GHR: variants seen among roughly 807,000 people sequenced by gnomAD.
GHR encodes GH receptor.
In GHR, 35 loss-of-function variants were observed where a neutral mutation model predicts 67.1. The observed-to-expected ratio is 0.52, with a 90% CI of 0.40 to 0.69. The LOEUF (loss-of-function observed/expected upper bound fraction) is 0.69, where lower values mean the gene tolerates loss of function less well. GHR is among the 30% of genes least tolerant of loss of function. GHR has a pLI of 0.00. For synonymous variants in GHR, 272 were observed against 269.1 expected (o/e 1.01, Z -0.10); for missense variants, 792 against 764.6 (o/e 1.04, Z -0.42).
chr5:42,719,004 G>A lies in GHR; in HGVS notation c.1497G>A (p.Val499=), dbSNP rs1294344976. 6.2e-7 allele frequency: 1 copy of A among 1,607,814 alleles called. No homozygotes were observed. Among genetic ancestry groups the A allele is most frequent in the East Asian group, 2.2e-5 (1 of 44,758 alleles). ...GCGACATTACACCAGCAGGTAGTGT[G>A]GTCCTTTCCCCGGGCCAAAAGAATA... ...QVSDITPAGS[V]VLSPGQKNKA... The change falls in exon 10 of 10, where the codon GTG becomes GTA. Residue 499 remains valine, a synonymous_variant. Coordinates refer to ENST00000230882, the MANE Select transcript of GHR (RefSeq NM_000163.5).
chr5:42,618,103 C>A (rs1003965167), intron 2 of GHR, among the ~76,000 whole-genome samples: 1 of 152,050 alleles, frequency 6.6e-6, no homozygotes, highest in Admixed American at 6.6e-5. Flanking sequence ...GGGCAAAGTT[C>A]AAAAAACTAA....
At chr5:42,598,840 C>T (rs73751220) in intron 2 of GHR, among the ~76,000 whole-genome samples, 3,900 of 152,288 alleles carry the variant, frequency 0.026, 66 homozygotes, top group African/African-American at 0.044. Flanking sequence ...GGAATACACA[C>T]AGTCAAAGCC....
chr5:42,522,287 A>G (rs1393377383), intron 1 of GHR, among the ~76,000 whole-genome samples: 1 of 152,204 alleles, frequency 6.6e-6, no homozygotes, highest in East Asian at 1.9e-4. Context: ...CTCATTCATC[A>G]TATAAGAAAT....
chr5:42,550,993 A>G (rs1686237235), intron 1 of GHR, among the ~76,000 whole-genome samples: 1 of 152,214 alleles, frequency 6.6e-6, no homozygotes, highest in African/African-American at 2.4e-5. Flanking sequence ...AATGACAAGT[A>G]GATGGTGGTC....
At chr5:42,635,720 C>T (rs898769682) in intron 3 of GHR, among the ~76,000 whole-genome samples, 2 of 152,178 alleles carry the variant, frequency 1.3e-5, no homozygotes, top group Non-Finnish European at 2.9e-5. Flanking sequence ...ATATTTACCA[C>T]TTAGTTTACA....
intron 1 of GHR, among the ~76,000 whole-genome samples, chr5:42,429,984 C>T (rs1743021039): frequency 6.6e-6 from 1 of 152,154 alleles, no homozygotes; most frequent in African/African-American, 2.4e-5. Context: ...CCTTGGGCAA[C>T]TGGGATTTAA....
At chr5:42,559,232 T>C (rs1237428175) in intron 1 of GHR, among the ~76,000 whole-genome samples, 2 of 152,282 alleles carry the variant, frequency 1.3e-5, no homozygotes, top group African/African-American at 4.8e-5. Context: ...ATACCATATA[T>C]CCTTATTTTA....
chr5:42,529,340 C>CA (rs1276891622), intron 1 of GHR, among the ~76,000 whole-genome samples: 7 of 151,974 alleles, frequency 4.6e-5, no homozygotes, highest in Non-Finnish European at 7.4e-5. Flanking sequence ...AGTAGGAAAC[C>CA]AAAAAATTGT....
chr5:42,522,572 C>G (rs1212108942), intron 1 of GHR, among the ~76,000 whole-genome samples: 3 of 152,092 alleles, frequency 2.0e-5, no homozygotes, highest in Non-Finnish European at 4.4e-5. Flanking sequence ...AAAGGAAAAT[C>G]TTATACCTCT....
chr5:42,537,471 G>A lies in GHR; in HGVS notation c.-11-28393G>A, dbSNP rs371033758. ...TTCTATGTATTTGCATGGTTTTGAC[G>A]GTTCCTTCTGGAGTTGATTTCCAGG... is the stretch of plus-strand genomic sequence containing the variant. On this transcript the variant is annotated intron_variant, in intron 1 of 9. Transcript: ENST00000230882. 3.7e-4 allele frequency among the ~76,000 whole-genome samples: 56 copies of A among 152,158 alleles called. No homozygotes were observed. The South Asian group carries it at 4.4e-3, about 12-fold the overall frequency.
At chr5:42,557,102 T>A (rs1247968365) in intron 1 of GHR, among the ~76,000 whole-genome samples, 1 of 152,168 alleles carries the variant, frequency 6.6e-6, no homozygotes, top group African/African-American at 2.4e-5. Flanking sequence ...CATAGAACTT[T>A]CTTAAAGTAG....
chr5:42,647,582 A>C lies in GHR; in HGVS notation c.136+18479A>C, dbSNP rs1043977791. 953 of 414,446 alleles carry C rather than the reference A, an allele frequency of 2.3e-3. 6 individuals carry two copies. Among genetic ancestry groups the C allele is most frequent in the African/African-American group, 0.019 (884 of 47,072 alleles). The allele number at this position is 414,446 out of a possible 1,614,324, so 25.7% of individuals were successfully genotyped here. On this transcript the variant is annotated intron_variant, in intron 3 of 9. Transcript: ENST00000230882. ...GAGCAAGACTGCGTCTCCAAAAAAA[A>C]AAAAAAAAGTCAAGGGCCAAAGTAA...
At chr5:42,693,685 C>T (rs976697417) in intron 4 of GHR, among the ~76,000 whole-genome samples, 2 of 152,168 alleles carry the variant, frequency 1.3e-5, no homozygotes, top group Non-Finnish European at 2.9e-5. Flanking sequence ...TTCCCTACAA[C>T]CTGCATTGTC....
chr5:42,588,092 T>C (rs1167819802), intron 2 of GHR, among the ~76,000 whole-genome samples: 1 of 152,238 alleles, frequency 6.6e-6, no homozygotes, highest in Non-Finnish European at 1.5e-5. Flanking sequence ...GCTTTGTGCA[T>C]TGAATCTCAT....
At chr5:42,643,714 T>C (rs954266688) in intron 3 of GHR, among the ~76,000 whole-genome samples, 1 of 145,204 alleles carries the variant, frequency 6.9e-6, no homozygotes, top group Non-Finnish European at 1.5e-5. Context: ...AGATAATACA[T>C]TATGCCTTTT....
At chr5:42,535,190 A>G (rs561866120) in intron 1 of GHR, among the ~76,000 whole-genome samples, 2 of 151,874 alleles carry the variant, frequency 1.3e-5, no homozygotes, top group Non-Finnish European at 2.9e-5. Flanking sequence ...TTTTGTTTTT[A>G]TTTCATTTGC....
intron 2 of GHR, among the ~76,000 whole-genome samples, chr5:42,604,216 A>G (rs1752512682): frequency 6.6e-6 from 1 of 152,190 alleles, no homozygotes; most frequent in South Asian, 2.1e-4. Context: ...ATAGCTGTCT[A>G]GAAGCTCTCT....
chr5:42,701,294 G>A (rs1382385713), intron 6 of GHR, among the ~76,000 whole-genome samples: 1 of 152,142 alleles, frequency 6.6e-6, no homozygotes, highest in Non-Finnish European at 1.5e-5. Flanking sequence ...GGAAGAAAAA[G>A]CCAGTTTCAC....
At chr5:42,562,173 G>A (rs1004205104) in intron 1 of GHR, among the ~76,000 whole-genome samples, 4 of 152,162 alleles carry the variant, frequency 2.6e-5, no homozygotes, top group African/African-American at 9.7e-5. Context: ...CCCTCATCTA[G>A]AAGCTTCCAT....
Sources: gnomAD v4.1 joint callset for allele counts (sites outside exome capture counted in the v4.1 genomes callset) on GRCh38, gnomAD v4.1.1 for gene constraint, MANE v1.5 for transcripts, NCBI Gene and HGNC (gene_info 2026-07-23, HGNC 2026-07-21) for gene names.